The following GPC6 variants were observed in gnomAD, a reference collection of about 807,000 sequenced individuals.
GPC6 encodes the protein glypican-6.
A neutral mutation model predicts 55.2 loss-of-function variants in GPC6; 14 were observed. The ratio of observed to expected loss-of-function variants is 0.25; its 90% CI spans 0.17 to 0.40. The LOEUF (loss-of-function observed/expected upper bound fraction) is 0.40, where lower values mean the gene tolerates loss of function less well. GPC6 is among the 10% of genes least tolerant of loss of function. The probability of loss-of-function intolerance (pLI) is 1.00; values close to 1 mark genes in which losing one functional copy is unlikely to be tolerated. For missense variants in GPC6, 641 were observed against 708.5 expected, an observed-to-expected ratio of 0.90 and a Z score of 1.08; for synonymous variants, 278 against 259.6, an observed-to-expected ratio of 1.07 and a Z score of -0.68.
intron 4 of GPC6, among the ~76,000 whole-genome samples, chr13:94,214,537 A>G (rs1312195035): frequency 6.6e-6 from 1 of 152,170 alleles, no homozygotes; most frequent in Non-Finnish European, 1.5e-5. Flanking sequence ...GTAGGCAAAG[A>G]ATCCAGCTAT....
intron 1 of GPC6, among the ~76,000 whole-genome samples, chr13:93,525,874 T>A (rs1335875597): frequency 1.3e-5 from 2 of 152,108 alleles, no homozygotes; most frequent in Non-Finnish European, 2.9e-5. Flanking sequence ...AACCAATGGT[T>A]TCAGCCCAGT....
intron 4 of GPC6, among the ~76,000 whole-genome samples, chr13:94,241,827 T>G (rs891321344): frequency 2.0e-5 from 3 of 152,160 alleles, no homozygotes; most frequent in Non-Finnish European, 2.9e-5. Context: ...GAAATGTTGA[T>G]CACAAATTCT....
intron 1 of GPC6, among the ~76,000 whole-genome samples, chr13:93,265,516 A>G (rs1007278520): frequency 1.3e-5 from 2 of 152,196 alleles, no homozygotes; most frequent in Admixed American, 1.3e-4. Context: ...GCCTGTGTGT[A>G]TGAGGTGTAT....
chr13:94,194,875 T>A (rs1333254), intron 4 of GPC6, among the ~76,000 whole-genome samples: 99,881 of 151,896 alleles, frequency 0.66, 34,118 homozygotes, highest in African/African-American at 0.85. Flanking sequence ...GTGTGTGTGT[T>A]TGTGTGTGTG....
intron 2 of GPC6, among the ~76,000 whole-genome samples, chr13:93,663,045 G>A (rs1206226635): frequency 6.7e-6 from 1 of 149,088 alleles, no homozygotes; most frequent in East Asian, 2.0e-4. Flanking sequence ...CATTCACCTA[G>A]GCATTAACAA....
chr13:93,502,439 C>T (rs74108569), intron 1 of GPC6, among the ~76,000 whole-genome samples: 1 of 152,076 alleles, frequency 6.6e-6, no homozygotes, highest in African/African-American at 2.4e-5. Flanking sequence ...CAAACTCTTA[C>T]ATCTATACCC....
chr13:93,539,284 T>C (rs141432434), intron 1 of GPC6, among the ~76,000 whole-genome samples: 354 of 152,330 alleles, frequency 2.3e-3, no homozygotes, highest in Admixed American at 4.1e-3. Context: ...GGGATGTGGG[T>C]ATCATAATCA....
intron 1 of GPC6, among the ~76,000 whole-genome samples, chr13:93,239,626 G>A (rs1032838475): frequency 8.0e-5 from 12 of 150,644 alleles, no homozygotes; most frequent in African/African-American, 2.9e-4. Context: ...TTCAGTTTCG[G>A]TTTTGTTTAG....
chr13:93,325,507 G>GA (rs1207679911), intron 1 of GPC6, among the ~76,000 whole-genome samples: 10 of 152,160 alleles, frequency 6.6e-5, no homozygotes, highest in African/African-American at 2.4e-4. Context: ...CAGTGAGTGA[G>GA]ATGCTAGAAG....
At chr13:93,271,296 A>C (rs1877515365) in intron 1 of GPC6, among the ~76,000 whole-genome samples, 1 of 152,192 alleles carries the variant, frequency 6.6e-6, no homozygotes, top group Non-Finnish European at 1.5e-5. Flanking sequence ...ACGTTACAAA[A>C]CATTGGTTTA....
chr13:93,617,303 G>A (rs1198240144), intron 2 of GPC6, among the ~76,000 whole-genome samples: 1 of 152,030 alleles, frequency 6.6e-6, no homozygotes, highest in Non-Finnish European at 1.5e-5. Context: ...TTATTTAGTT[G>A]TGTAAATCTA....
chr13:93,480,423 AT>A (rs1879473070), intron 1 of GPC6, among the ~76,000 whole-genome samples: 1 of 152,158 alleles, frequency 6.6e-6, no homozygotes, highest in Non-Finnish European at 1.5e-5. Context: ...TTATTTTGCT[AT>A]TTTATAAGAT....
At chr13:93,447,357 AC>A (rs1878045823) in intron 1 of GPC6, among the ~76,000 whole-genome samples, 1 of 152,132 alleles carries the variant, frequency 6.6e-6, no homozygotes, top group Admixed American at 6.5e-5. Context: ...GATTATGTTA[AC>A]CTTTTTTTTC....
intron 2 of GPC6, among the ~76,000 whole-genome samples, chr13:93,649,657 A>G (rs573010684): frequency 6.6e-6 from 1 of 152,300 alleles, no homozygotes; most frequent in East Asian, 1.9e-4. Context: ...AAGTTTTATG[A>G]AAGTTCTTTT....
intron 2 of GPC6, among the ~76,000 whole-genome samples, chr13:93,779,208 C>T (rs76346929): frequency 5.1e-4 from 77 of 152,180 alleles, no homozygotes; most frequent in African/African-American, 1.8e-3. Flanking sequence ...CTTTACAAGC[C>T]TCTCAGAACT....
At chr13:94,075,055 C>A (rs1294251944) in intron 4 of GPC6, among the ~76,000 whole-genome samples, 1 of 152,050 alleles carries the variant, frequency 6.6e-6, no homozygotes, top group East Asian at 1.9e-4. Flanking sequence ...TTTGTATAAA[C>A]CCCTAAGTTA....
chr13:93,304,418 C>A (rs888227622), intron 1 of GPC6, among the ~76,000 whole-genome samples: 3 of 152,138 alleles, frequency 2.0e-5, no homozygotes, highest in African/African-American at 7.2e-5. Context: ...TCCTGGCTTT[C>A]CAAAGGCCCT....
chr13:94,311,785 G>T lies in GPC6; in HGVS notation c.1152+5662G>T, dbSNP rs965075725. Reference sequence around the variant, plus strand: ...TAGGAGGTAAATCTGGAACAGGAACGCTGCAGAAAGGAAGACCTTGAGAAG... The same window carrying T: ...TAGGAGGTAAATCTGGAACAGGAACTCTGCAGAAAGGAAGACCTTGAGAAG... On this transcript the variant is annotated intron_variant, in intron 6 of 8. Coordinates refer to ENST00000377047, the MANE Select transcript of GPC6 (RefSeq NM_005708.5). Among the ~76,000 whole-genome samples the T allele has an allele frequency of 5.3e-5, 8 of 152,140 alleles. No homozygotes were observed. The East Asian group carries it at 1.2e-3, about 22-fold the overall frequency.
chr13:94,291,857 C>A (rs775657001), intron 5 of GPC6, among the ~76,000 whole-genome samples: 4 of 152,030 alleles, frequency 2.6e-5, no homozygotes, highest in Admixed American at 6.6e-5. Flanking sequence ...AAGCTAACTC[C>A]TAATTAGGGC....
Sources: allele counts gnomAD v4.1 joint callset (sites outside exome capture counted in the v4.1 genomes callset), GRCh38; gene constraint gnomAD v4.1.1; transcripts MANE v1.5; gene names NCBI Gene and HGNC (gene_info 2026-07-23, HGNC 2026-07-21).